Variants in RNF169 observed in about 807,000 individuals in gnomAD.
The protein encoded by RNF169 is ring finger protein 169.
A neutral mutation model predicts 53.9 loss-of-function variants in RNF169; 24 were observed. The observed-to-expected ratio is 0.45, with a 90% CI of 0.32 to 0.63. The LOEUF (loss-of-function observed/expected upper bound fraction) is 0.63. RNF169 is among the 20% of genes least tolerant of loss of function. The pLI is 0.04. For synonymous variants in RNF169, 396 were observed against 363.5 expected (o/e 1.09, Z -1.02); for missense variants, 883 against 906.2 (o/e 0.97, Z 0.33).
chr11:74,762,042 A>G (rs1027806592), intron 1 of RNF169, among the ~76,000 whole-genome samples: 12 of 139,184 alleles, frequency 8.6e-5, no homozygotes, highest in Admixed American at 7.4e-4. Flanking sequence ...TTCTCGCTTC[A>G]TTTCATTCAT....
chr11:74,778,200 T>G (rs1014992931), intron 1 of RNF169, among the ~76,000 whole-genome samples: 2 of 152,240 alleles, frequency 1.3e-5, no homozygotes, highest in African/African-American at 4.8e-5. Context: ...AACTGCATTA[T>G]AAATGTTTTG....
intron 2 of RNF169, among the ~76,000 whole-genome samples, chr11:74,802,928 G>C (rs945760332): frequency 2.7e-5 from 4 of 146,420 alleles, no homozygotes; most frequent in Non-Finnish European, 1.5e-5. Context: ...AATTTTTTTT[G>C]GGGGGGGGTG....
chr11:74,814,213 T>TTGGGAGGC (rs1194375145), intron 3 of RNF169, among the ~76,000 whole-genome samples: 2 of 151,618 alleles, frequency 1.3e-5, no homozygotes, highest in African/African-American at 2.4e-5. Flanking sequence ...TCCCAGTTAC[T>TTGGGAGGC]TGGGAGGCTG....
chr11:74,780,138 C>G (rs1258816560), intron 1 of RNF169, among the ~76,000 whole-genome samples: 1 of 152,154 alleles, frequency 6.6e-6, no homozygotes, highest in East Asian at 1.9e-4. Context: ...TTTTATAACT[C>G]TTTTGACATT....
In RNF169 at chr11:74,748,927, C is replaced by A; in HGVS notation, c.47C>A (p.Ala16Glu). The A allele has an allele frequency of 6.9e-7, 1 of 1,458,056 alleles. No individual in the cohort carries two copies. The highest frequency in any genetic ancestry group is 9.1e-7 in the Non-Finnish European group (1 of 1,095,682). 90.3% of individuals were successfully genotyped at this position (1,458,056 alleles called of 1,614,324 possible). Reference sequence around the variant, plus strand: ...ACTCGGGCCTCTTCCGCGGCGGCAGCAGCCGCTCTGAGTCGGCGGGGCCGG... The same window carrying A: ...ACTCGGGCCTCTTCCGCGGCGGCAGAAGCCGCTCTGAGTCGGCGGGGCCGG... Reference protein sequence around the residue: ...PSTRASSAAAAAALSRRGRRG... With the variant: ...PSTRASSAAAEAALSRRGRRG... The change falls in exon 1 of 6, where the codon GCA becomes GAA. Residue 16 changes from alanine (A) to glutamate (E), a missense_variant. Around this residue, in one of 3 missense-constraint regions of RNF169, gnomAD observed 313 missense variants for 279.9 expected, o/e 1.12. Coordinates refer to ENST00000299563, the MANE Select transcript of RNF169 (RefSeq NM_001098638.2).
At chr11:74,775,545 A>T (rs547634390) in intron 1 of RNF169, among the ~76,000 whole-genome samples, 1 of 151,870 alleles carries the variant, frequency 6.6e-6, no homozygotes, top group African/African-American at 2.4e-5. Context: ...TCCTTCCCCA[A>T]GATTCTGGTC....
chr11:74,835,487 A>G, intron 5 of RNF169, 59 bp from the exon 6 acceptor site: 1 of 1,315,956 alleles, frequency 7.6e-7, no homozygotes, highest in South Asian at 1.3e-5. Context: ...TAAAGGAATG[A>G]TGAAGGAAAA....
rs2034841981 is a variant in RNF169 at position 74,749,148 on chromosome 11, G to A, written c.268G>A (p.Gly90Ser). ...GCCGTGCGGCCACTCGCTTTGCCGA[G>A]GCTGCGCCCAACGCGCCGCCGACGC... ...ALPCGHSLCR[G>S]CAQRAADAAG... Residue 90 changes from glycine to serine, a missense_variant, in exon 1 of 6, where the codon GGC becomes AGC. By Grantham distance (56) the Gly-to-Ser change is moderately conservative (BLOSUM62 0). Transcript: ENST00000299563. The A allele has an allele frequency of 3.9e-6, 5 of 1,281,334 alleles. No individual in the cohort carries two copies. Among genetic ancestry groups the A allele is most frequent in the Middle Eastern group, 2.9e-4 (1 of 3,420 alleles). The allele number at this position is 1,281,334 out of a possible 1,614,324, so 79.4% of individuals were successfully genotyped here.
Position 74,748,931 on chromosome 11 carries a change from C to G in RNF169, c.51C>G (p.Ala17=). The G allele has an allele frequency of 2.1e-6, 3 of 1,458,402 alleles. No homozygotes were observed. The highest frequency in any genetic ancestry group is 2.7e-6 in the Non-Finnish European group (3 of 1,095,502). The allele number at this position is 1,458,402 out of a possible 1,614,324, so 90.3% of individuals were successfully genotyped here. Residue 17 remains alanine (A), a synonymous_variant, in exon 1 of 6, where the codon GCC becomes GCG. Coordinates refer to ENST00000299563, the MANE Select transcript of RNF169 (RefSeq NM_001098638.2). ...GGGCCTCTTCCGCGGCGGCAGCAGCCGCTCTGAGTCGGCGGGGCCGGCGGG... is the reference window on the plus strand; with the variant it reads ...GGGCCTCTTCCGCGGCGGCAGCAGCGGCTCTGAGTCGGCGGGGCCGGCGGG... The part of the protein sequence containing the change: ...STRASSAAAA[A]ALSRRGRRGR...
chr11:74,790,960 G>A (rs2035570415), intron 2 of RNF169, among the ~76,000 whole-genome samples: 1 of 152,242 alleles, frequency 6.6e-6, no homozygotes, highest in Non-Finnish European at 1.5e-5. Context: ...AGCCGTTTGT[G>A]TTATAGCTGT....
At chr11:74,834,189 A>G (rs546946145) in intron 4 of RNF169, among the ~76,000 whole-genome samples, 1 of 152,310 alleles carries the variant, frequency 6.6e-6, no homozygotes, top group South Asian at 2.1e-4. Context: ...CTCAAATGTA[A>G]TGGATTAAAG....
At chr11:74,786,663 G>A (rs1047856591) in intron 1 of RNF169, among the ~76,000 whole-genome samples, 7 of 152,144 alleles carry the variant, frequency 4.6e-5, no homozygotes, top group African/African-American at 1.7e-4. Flanking sequence ...TTTATACTCA[G>A]TAAATTCTGC....
chr11:74,818,291 AG>A (rs764806965), intron 4 of RNF169, among the ~76,000 whole-genome samples: 81 of 152,240 alleles, frequency 5.3e-4, no homozygotes, highest in Non-Finnish European at 9.3e-4. Context: ...GAAGCAAAGA[AG>A]AAATGGAGGA....
chr11:74,798,344 C>G (rs76131231), intron 2 of RNF169, among the ~76,000 whole-genome samples: 2,090 of 152,318 alleles, frequency 0.014, 34 homozygotes, highest in African/African-American at 0.048. Context: ...GGTCTCTGAA[C>G]TGGCCCCCCT....
intron 2 of RNF169, among the ~76,000 whole-genome samples, chr11:74,803,025 A>G (rs2035755398): frequency 6.6e-6 from 1 of 151,246 alleles, no homozygotes. Flanking sequence ...GGTTCACACC[A>G]TTCTCCTGCC....
intron 2 of RNF169, among the ~76,000 whole-genome samples, chr11:74,806,953 A>G (rs2035814936): frequency 6.6e-6 from 1 of 151,996 alleles, no homozygotes; most frequent in Admixed American, 6.5e-5. Flanking sequence ...AGTTTTAGAA[A>G]TTAATAAGGG....
intron 2 of RNF169, among the ~76,000 whole-genome samples, chr11:74,796,466 T>C (rs2035650925): frequency 6.6e-6 from 1 of 152,278 alleles, no homozygotes; most frequent in African/African-American, 2.4e-5. Flanking sequence ...ATCTTTGTCT[T>C]TTGAAATAGA....
At chr11:74,816,016 CTG>C (rs2035937523) in intron 3 of RNF169, among the ~76,000 whole-genome samples, 1 of 152,238 alleles carries the variant, frequency 6.6e-6, no homozygotes, top group African/African-American at 2.4e-5. Context: ...ACAGAGTTCT[CTG>C]AGGAATGATA....
At chr11:74,764,261 C>T (rs2097334050) in intron 1 of RNF169, among the ~76,000 whole-genome samples, 3 of 152,198 alleles carry the variant, frequency 2.0e-5, no homozygotes, top group South Asian at 4.1e-4. Context: ...GCGCTGGGTG[C>T]GGTAGCGCAC....
Sources: allele counts gnomAD v4.1 joint callset (sites outside exome capture counted in the v4.1 genomes callset), GRCh38; gene constraint gnomAD v4.1.1; regional missense constraint gnomAD v4.1.1; transcripts MANE v1.5; gene names NCBI Gene and HGNC (gene_info 2026-07-23, HGNC 2026-07-21).